The following COX16 variants were observed in gnomAD, a reference collection of about 807,000 sequenced individuals.
COX16 encodes the protein cytochrome c oxidase assembly protein COX16 homolog, mitochondrial.
A neutral mutation model predicts 15.4 loss-of-function variants in COX16; 12 were observed. The observed-to-expected ratio is 0.78, with a 90% CI of 0.50 to 1.26. The LOEUF (loss-of-function observed/expected upper bound fraction) is 1.26. Ranked by LOEUF, COX16 falls within the 50% of genes most tolerant of loss-of-function variation. COX16 has a pLI of 0.00. For synonymous variants in COX16, 46 were observed against 41.1 expected (o/e 1.12, Z -0.46); for missense variants, 124 against 127.6 (o/e 0.97, Z 0.14).
At chr14:70,328,805 T>C (rs982577956) in intron 3 of COX16, among the ~76,000 whole-genome samples, 7 of 151,908 alleles carry the variant, frequency 4.6e-5, no homozygotes, top group African/African-American at 1.7e-4. Context: ...CTTTATATAC[T>C]TTTTTCATTC....
At chr14:70,326,563 A>AT in intron 3 of COX16, 114 bp from the exon 4 acceptor site, 4 of 637,954 alleles carry the variant, frequency 6.3e-6, no homozygotes, top group Non-Finnish European at 9.3e-6. Flanking sequence ...TAGGTCCTCG[A>AT]TTACAACTGT....
intron 2 of COX16, among the ~76,000 whole-genome samples, chr14:70,339,743 C>T (rs1418160436): frequency 1.3e-5 from 2 of 152,182 alleles, no homozygotes; most frequent in Non-Finnish European, 2.9e-5. Flanking sequence ...TGGAACTCAA[C>T]CTCACCCAAA....
chr14:70,343,346 G>A (rs1886678667), intron 1 of COX16, among the ~76,000 whole-genome samples: 1 of 152,168 alleles, frequency 6.6e-6, no homozygotes, highest in Admixed American at 6.5e-5. Flanking sequence ...TCTGAGTGCT[G>A]CCTGATTCAT....
intron 2 of COX16, among the ~76,000 whole-genome samples, chr14:70,331,100 T>C (rs1253814227): frequency 1.3e-5 from 2 of 152,126 alleles, no homozygotes; most frequent in Non-Finnish European, 2.9e-5. Flanking sequence ...CTCTGCCTCC[T>C]GGGTTCAAGC....
chr14:70,346,466 T>C (rs1199905943), intron 1 of COX16, among the ~76,000 whole-genome samples: 3 of 152,178 alleles, frequency 2.0e-5, no homozygotes, highest in Non-Finnish European at 4.4e-5. Flanking sequence ...CACCAGGCCA[T>C]GCCCCCTCTG....
At position 70,353,240 on chromosome 14, in the gene COX16, A is replaced by G. The variant is rs1272835067; in HGVS notation, c.69+6279T>C. On this transcript the variant is annotated intron_variant, in intron 1 of 3. Transcript: ENST00000389912. Reference sequence around the variant, plus strand: ...TGCGCCACTGTACTCCAGCCTGGTGACAGAGTGAGACTCTGTCAAAAAAAA... The same window carrying G: ...TGCGCCACTGTACTCCAGCCTGGTGGCAGAGTGAGACTCTGTCAAAAAAAA... Among the ~76,000 whole-genome samples, 3 of 142,690 alleles carry G rather than the reference A, an allele frequency of 2.1e-5. No homozygotes were observed. In the Admixed American group the frequency reaches 2.1e-4, roughly 10 times the overall value. 93.6% of individuals were successfully genotyped at this position (142,690 alleles called of 152,430 possible).
chr14:70,346,199 G>C (rs1886775604), intron 1 of COX16, among the ~76,000 whole-genome samples: 1 of 152,218 alleles, frequency 6.6e-6, no homozygotes, highest in South Asian at 2.1e-4. Context: ...GCAAGCTTCA[G>C]AAGCTTGATG....
At chr14:70,348,920 G>A (rs562883861) in intron 1 of COX16, among the ~76,000 whole-genome samples, 74 of 149,022 alleles carry the variant, frequency 5.0e-4, no homozygotes, top group African/African-American at 1.7e-3. Flanking sequence ...AGCCAAACAA[G>A]TAGCCCTGCA....
At chr14:70,353,281 GA>G (rs1213721682) in intron 1 of COX16, among the ~76,000 whole-genome samples, 1 of 147,432 alleles carries the variant, frequency 6.8e-6, no homozygotes, top group African/African-American at 2.5e-5. Context: ...GAAAGAAAAA[GA>G]AAAAAAATCT....
intron 1 of COX16, among the ~76,000 whole-genome samples, chr14:70,355,523 G>T (rs956275936): frequency 6.6e-6 from 1 of 152,122 alleles, no homozygotes; most frequent in African/African-American, 2.4e-5. Context: ...GTACCACCGG[G>T]TGAACAAAGC....
At chr14:70,353,280 A>G (rs1173243350) in intron 1 of COX16, among the ~76,000 whole-genome samples, 1 of 150,358 alleles carries the variant, frequency 6.7e-6, no homozygotes, top group Non-Finnish European at 1.5e-5. Context: ...AGAAAGAAAA[A>G]GAAAAAAAAT....
At chr14:70,342,270 C>T (rs1886646160) in intron 2 of COX16, among the ~76,000 whole-genome samples, 1 of 152,104 alleles carries the variant, frequency 6.6e-6, no homozygotes, top group South Asian at 2.1e-4. Flanking sequence ...CATAGTGAAA[C>T]CCCATCTCTA....
At chr14:70,328,144 A>G (rs1435161039) in intron 3 of COX16, 2 of 127,218 alleles carry the variant, frequency 1.6e-5, no homozygotes, top group African/African-American at 3.0e-5. Context: ...CAGTGGCGCG[A>G]TAAGATTTTC....
chr14:70,336,034 A>G (rs894800188), intron 2 of COX16, among the ~76,000 whole-genome samples: 4 of 152,214 alleles, frequency 2.6e-5, no homozygotes, highest in African/African-American at 9.6e-5. Flanking sequence ...AGGCAGGTGG[A>G]TCATGAGGTC....
Position 70,351,167 on chromosome 14 carries a change from C to CT in COX16, c.69+8351dup, listed in dbSNP as rs1478477778. Among the ~76,000 whole-genome samples the CT allele has an allele frequency of 2.6e-5, 4 of 152,114 alleles. No individual in the cohort carries two copies. In the East Asian group the frequency reaches 5.8e-4, roughly 22 times the overall value. On this transcript the variant is annotated intron_variant, in intron 1 of 3. Transcript: ENST00000389912. ...GGTACAATTTCTATCTTATTTATGT[C>CT]TTTCCCCCCAATATAACCACTGTTT...
intron 1 of COX16, among the ~76,000 whole-genome samples, chr14:70,352,951 A>G (rs1454617904): frequency 6.6e-6 from 1 of 152,076 alleles, no homozygotes; most frequent in African/African-American, 2.4e-5. Flanking sequence ...AAGATCCCCA[A>G]GTTGTCATTG....
At chr14:70,333,388 A>G (rs1178789209) in intron 2 of COX16, among the ~76,000 whole-genome samples, 1 of 152,208 alleles carries the variant, frequency 6.6e-6, no homozygotes, top group Non-Finnish European at 1.5e-5. Flanking sequence ...GGTTGAAATA[A>G]TTTTTTAAAA....
chr14:70,350,470 A>G (rs1231507270), intron 1 of COX16, among the ~76,000 whole-genome samples: 3 of 152,118 alleles, frequency 2.0e-5, no homozygotes, highest in Non-Finnish European at 2.9e-5. Flanking sequence ...GTTCAAACCA[A>G]TACAAGAACC....
chr14:70,326,340 G>A lies in COX16; in HGVS notation c.314C>T (p.Thr105Ile), dbSNP rs747667853. Residue 105 changes from threonine (T) to isoleucine (I), a missense_variant, in exon 4 of 4, where the codon ACA (threonine) becomes ATA (isoleucine). Coordinates refer to ENST00000389912, the MANE Select transcript of COX16 (RefSeq NM_016468.7). ...GRNPESLKTK[T>I]T is the part of the protein sequence containing the mutation. Reference sequence around the variant, plus strand: ...AAAAAAGAATCAGCAGAGTCAAGTTGTCTTAGTCTTAAGGCTTTCTGGATT... The same window carrying A: ...AAAAAAGAATCAGCAGAGTCAAGTTATCTTAGTCTTAAGGCTTTCTGGATT... 6.6e-7 allele frequency: 1 copy of A among 1,514,156 alleles called. No homozygotes were observed. Among genetic ancestry groups the A allele is most frequent in the Admixed American group, 2.2e-5 (1 of 45,252 alleles). 93.8% of individuals were successfully genotyped at this position (1,514,156 alleles called of 1,614,324 possible).
Sources: allele counts gnomAD v4.1 joint callset (sites outside exome capture counted in the v4.1 genomes callset), GRCh38; gene constraint gnomAD v4.1.1; transcripts MANE v1.5; gene names NCBI Gene and HGNC (gene_info 2026-07-23, HGNC 2026-07-21).